Variants in KCNK9 observed in about 807,000 individuals in gnomAD.
KCNK9 encodes potassium channel subfamily K member 9.
Under a neutral mutation model 10.8 loss-of-function variants are expected in KCNK9, and 1 was observed. The observed-to-expected ratio is 0.09, with a 90% CI of 0.03 to 0.44. KCNK9 has a LOEUF of 0.44. Ranked by LOEUF, KCNK9 falls within the 20% of genes least tolerant of loss-of-function variation. The pLI, the probability that KCNK9 is intolerant of heterozygous loss-of-function variation, is 0.97. For synonymous variants in KCNK9, 231 were observed against 222.7 expected (o/e 1.04, Z -0.33); for missense variants, 303 against 515.0 (o/e 0.59, Z 3.98).
At chr8:139,681,842 C>T (rs928877091) in intron 1 of KCNK9, among the ~76,000 whole-genome samples, 2 of 152,208 alleles carry the variant, frequency 1.3e-5, no homozygotes, top group Non-Finnish European at 2.9e-5. Context: ...TTTAACCAAC[C>T]GGCATCTTAT....
chr8:139,618,117 G>A lies in KCNK9; in HGVS notation c.*141C>T. ...GAAAGGTGGGGGAAAATGAGACCAA[G>A]AGACCAAGAAAGGAGGAAGGAGAGA... On this transcript the variant is annotated 3_prime_UTR_variant, in exon 2 of 2. Coordinates refer to ENST00000520439, the MANE Select transcript of KCNK9 (RefSeq NM_001282534.2). This position sits in a 1 kb window ranked among gnomAD's most constrained non-coding sequence, Gnocchi z 7.9. 2 of 1,223,770 alleles carry A rather than the reference G, an allele frequency of 1.6e-6. No individual in the cohort carries two copies. Among genetic ancestry groups the A allele is most frequent in the Non-Finnish European group, 2.3e-6 (2 of 874,448 alleles). The allele number at this position is 1,223,770 out of a possible 1,614,324, so 75.8% of individuals were successfully genotyped here. A position where few individuals can be genotyped will look rare whatever the true frequency, so the allele number is the denominator to read the frequency against.
At chr8:139,610,141 G>T (rs576120840), downstream of KCNK9, among the ~76,000 whole-genome samples, 1 of 152,264 alleles carries the variant, frequency 6.6e-6, no homozygotes, top group African/African-American at 2.4e-5. Flanking sequence ...GTCCTGATGG[G>T]AACAGCTTTG....
rs577269992 is a variant in KCNK9 at position 139,617,317 on chromosome 8, G to A, written c.*941C>T. ...ACTCTGGGGTTCCAACAATTTTCCC[G>A]TTTCCCCTGACAATTCCAGTTGCAT... is the stretch of plus-strand genomic sequence containing the variant. On this transcript the variant is annotated 3_prime_UTR_variant, in exon 2 of 2. Coordinates refer to ENST00000520439, the MANE Select transcript of KCNK9 (RefSeq NM_001282534.2). Among the ~76,000 whole-genome samples the A allele has an allele frequency of 4.4e-4, 67 of 152,194 alleles. 1 individual carries two copies. The highest frequency in any genetic ancestry group is 6.8e-3 in the Middle Eastern group (2 of 294).
intron 1 of KCNK9, among the ~76,000 whole-genome samples, chr8:139,663,500 C>T (rs1425885897): frequency 6.6e-6 from 1 of 152,094 alleles, no homozygotes; most frequent in Admixed American, 6.5e-5. Flanking sequence ...TTGGTGATGA[C>T]AGCATTGCTT....
intron 1 of KCNK9, among the ~76,000 whole-genome samples, chr8:139,651,415 A>C (rs2545455): frequency 0.75 from 113,905 of 152,214 alleles, 43,138 homozygotes; most frequent in African/African-American, 0.86. Context: ...CTCCCCACCC[A>C]ATAGCCACAG....
At chr8:139,650,434 G>GTGGGCGCCCACT (rs202129987) in intron 1 of KCNK9, among the ~76,000 whole-genome samples, 2,310 of 152,240 alleles carry the variant, frequency 0.015, 57 homozygotes, top group African/African-American at 0.051. Flanking sequence ...GAACCCGAGG[G>GTGGGCGCCCACT]TGGGCGCCCA....
At chr8:139,619,951 CTTAAAGACCTTA>C (rs368546950) in intron 1 of KCNK9, among the ~76,000 whole-genome samples, 3 of 152,348 alleles carry the variant, frequency 2.0e-5, no homozygotes, top group African/African-American at 7.2e-5. Flanking sequence ...GGAAACAACC[CTTAAAGACCTTA>C]TGTGTGTAAG....
intron 1 of KCNK9, among the ~76,000 whole-genome samples, chr8:139,664,553 T>C (rs78399984): frequency 0.032 from 4,795 of 152,158 alleles, 140 homozygotes; most frequent in African/African-American, 0.076. Context: ...GAATTGAGAA[T>C]CCAGAAGACG....
At chr8:139,645,851 G>A (rs903774857) in intron 1 of KCNK9, among the ~76,000 whole-genome samples, 1 of 152,202 alleles carries the variant, frequency 6.6e-6, no homozygotes, top group African/African-American at 2.4e-5. Context: ...AGGGCAGCAA[G>A]AGGGAGCTTC....
intron 1 of KCNK9, among the ~76,000 whole-genome samples, chr8:139,624,882 C>T (rs940597097): frequency 4.6e-5 from 7 of 152,218 alleles, no homozygotes; most frequent in African/African-American, 1.4e-4. Context: ...GTAAAAATGT[C>T]AAAGCCCACT....
rs961880645 is a variant in KCNK9, at chr8:139,703,089, TCCGCCGCCGCCGCCG to T, written c.-112_-98del. On this transcript the variant is annotated 5_prime_UTR_variant, in exon 1 of 2. Coordinates refer to ENST00000520439, the MANE Select transcript of KCNK9 (RefSeq NM_001282534.2). The surrounding 1 kb of genome is among the most constrained non-coding windows in gnomAD (Gnocchi z 6.4). ...CCCGGCGGCCGCCGCCGCCTCCTCC[TCCGCCGCCGCCGCCG>T]CCGCCTCCAAGTTGTAAGCGGCGGC... 2 of 1,071,698 alleles carry T rather than the reference TCCGCCGCCGCCGCCG, an allele frequency of 1.9e-6. No homozygotes were observed. The allele number at this position is 1,071,698 out of a possible 1,614,324, so 66.4% of individuals were successfully genotyped here. A position where few individuals can be genotyped will look rare whatever the true frequency, so the allele number is the denominator to read the frequency against.
intron 1 of KCNK9, among the ~76,000 whole-genome samples, chr8:139,633,726 C>A (rs1390851437): frequency 2.6e-5 from 4 of 152,254 alleles, no homozygotes; most frequent in African/African-American, 9.6e-5. Flanking sequence ...ACCAGCTCAG[C>A]CCAGCTGCTC....
At chr8:139,633,519 C>T (rs1238435689) in intron 1 of KCNK9, among the ~76,000 whole-genome samples, 1 of 152,192 alleles carries the variant, frequency 6.6e-6, no homozygotes, top group East Asian at 1.9e-4. Flanking sequence ...AACTACGGTG[C>T]TGACCTCCTT....
intron 1 of KCNK9, among the ~76,000 whole-genome samples, chr8:139,654,511 C>A (rs765873768): frequency 2.6e-5 from 4 of 152,214 alleles, no homozygotes; most frequent in Non-Finnish European, 5.9e-5. Flanking sequence ...TCCCCACAAC[C>A]AGACAACAGA....
chr8:139,679,169 G>A (rs1816629006), intron 1 of KCNK9, among the ~76,000 whole-genome samples: 2 of 152,212 alleles, frequency 1.3e-5, no homozygotes, highest in African/African-American at 2.4e-5. Flanking sequence ...AATACCAGGA[G>A]TGGCCACGTG....
downstream of KCNK9, among the ~76,000 whole-genome samples, chr8:139,613,210 T>C (rs752883525): frequency 5.3e-5 from 8 of 151,864 alleles, no homozygotes; most frequent in African/African-American, 7.3e-5. Context: ...TGAGTGAGAG[T>C]TGGGGAGCAG....
chr8:139,691,207 C>G (rs1238973394), intron 1 of KCNK9, among the ~76,000 whole-genome samples: 1 of 152,168 alleles, frequency 6.6e-6, no homozygotes, highest in Non-Finnish European at 1.5e-5. Flanking sequence ...TTCCCCTCCC[C>G]CTCCTCATTT....
intron 1 of KCNK9, among the ~76,000 whole-genome samples, chr8:139,638,937 A>G (rs1815417235): frequency 6.6e-6 from 1 of 152,032 alleles, no homozygotes; most frequent in African/African-American, 2.4e-5. Flanking sequence ...TCACCAGTCC[A>G]ACTCCTGCTG....
At chr8:139,649,292 G>A (rs149209839) in intron 1 of KCNK9, among the ~76,000 whole-genome samples, 12 of 152,334 alleles carry the variant, frequency 7.9e-5, no homozygotes, top group East Asian at 3.9e-4. Context: ...CGTCAGAAGC[G>A]TGTATTTAAT....
Sources: allele counts gnomAD v4.1 joint callset (sites outside exome capture counted in the v4.1 genomes callset), GRCh38; gene constraint gnomAD v4.1.1; non-coding constraint Gnocchi (gnomAD v3.1); transcripts MANE v1.5; gene names NCBI Gene and HGNC (gene_info 2026-07-23, HGNC 2026-07-21).